Variants in GOLT1B observed in about 807,000 individuals in gnomAD.
GOLT1B encodes the protein golgi transport 1B.
Under a neutral mutation model 15.4 loss-of-function variants are expected in GOLT1B, and 3 were observed. That is an observed-to-expected ratio of 0.19 (90% confidence interval 0.09 to 0.50). The LOEUF is 0.50. Ranked by LOEUF, GOLT1B falls within the 20% of genes least tolerant of loss-of-function variation. GOLT1B has a pLI of 0.97. For missense variants in GOLT1B, 145 were observed against 160.4 expected (o/e 0.90, Z 0.52); for synonymous variants, 65 against 56.2 (o/e 1.16, Z -0.70).
At chr12:21,509,819 A>C (rs372991482) in intron 3 of GOLT1B, among the ~76,000 whole-genome samples, 76 of 152,370 alleles carry the variant, frequency 5.0e-4, no homozygotes, top group Middle Eastern at 6.8e-3. Flanking sequence ...TTGTTCTGAA[A>C]AGAATGAATA....
At chr12:21,508,269 A>G (rs1943693322) in intron 2 of GOLT1B, 114 bp from the exon 3 acceptor site, 2 of 676,736 alleles carry the variant, frequency 3.0e-6, no homozygotes, top group South Asian at 4.0e-5. Flanking sequence ...AGTTGCCCAC[A>G]TTAAAAGCCA....
chr12:21,507,510 C>CTG (rs1273448291), intron 2 of GOLT1B, among the ~76,000 whole-genome samples: 2 of 61,994 alleles, frequency 3.2e-5, no homozygotes. Flanking sequence ...AGTGAAGACA[C>CTG]TGTATGTGTG....
At chr12:21,508,045 G>A (rs1396279999) in intron 2 of GOLT1B, 1 of 431,146 alleles carries the variant, frequency 2.3e-6, no homozygotes, top group Middle Eastern at 3.4e-4. Context: ...CAACTCATCT[G>A]CTTGACTAAG....
Position 21,516,954 on chromosome 12 carries a change from A to G in GOLT1B, c.*1247A>G, listed in dbSNP as rs1304528131. 1 of 152,506 alleles carries G rather than the reference A, an allele frequency of 6.6e-6. No individual in the cohort carries two copies. The highest frequency in any genetic ancestry group is 2.4e-5 in the African/African-American group (1 of 41,458). 9.4% of individuals were successfully genotyped at this position (152,506 alleles called of 1,614,324 possible). On this transcript the variant is annotated 3_prime_UTR_variant, in exon 5 of 5. Transcript: ENST00000229314. Reference sequence around the variant, plus strand: ...CCACCGTTGCTGATTATTAGACAGTAGGAAATAGCTGTTTTCTTTAGTTTT... The same window carrying G: ...CCACCGTTGCTGATTATTAGACAGTGGGAAATAGCTGTTTTCTTTAGTTTT...
At chr12:21,502,594 GTA>G (rs1319562854) in intron 1 of GOLT1B, among the ~76,000 whole-genome samples, 1 of 152,150 alleles carries the variant, frequency 6.6e-6, no homozygotes, top group Non-Finnish European at 1.5e-5. Flanking sequence ...CGTTAGTATT[GTA>G]TATTGTGCTT....
At chr12:21,515,283 A>T in intron 4 of GOLT1B, 1 of 1,347,000 alleles carries the variant, frequency 7.4e-7, no homozygotes, top group Non-Finnish European at 1.0e-6. Flanking sequence ...CAGTTGAAAT[A>T]TCTTATTGGG....
At chr12:21,511,558 G>T (rs1243225071) in intron 3 of GOLT1B, among the ~76,000 whole-genome samples, 1 of 152,104 alleles carries the variant, frequency 6.6e-6, no homozygotes, top group Non-Finnish European at 1.5e-5. Flanking sequence ...GGTCTTTCTG[G>T]TGACCAGCCC....
intron 1 of GOLT1B, 114 bp from the exon 2 acceptor site, chr12:21,506,771 G>T: frequency 1.9e-6 from 1 of 528,546 alleles, no homozygotes; most frequent in South Asian, 3.2e-5. Context: ...TGCAATGTTG[G>T]GTACCTGTTT....
intron 4 of GOLT1B, among the ~76,000 whole-genome samples, chr12:21,514,867 C>A (rs1943744830): frequency 6.6e-6 from 1 of 151,696 alleles, no homozygotes; most frequent in Non-Finnish European, 1.5e-5. Context: ...ACATGTGAAT[C>A]GTGAAACAAA....
In GOLT1B at chr12:21,515,156, C is replaced by A. The variant is rs117955060; in HGVS notation, c.379-513C>A. ...TCATTACCACTTTCAATCCAAAGTCCAGAATACACATTTAAAGTATTTTTA... is the reference window on the plus strand; with the variant it reads ...TCATTACCACTTTCAATCCAAAGTCAAGAATACACATTTAAAGTATTTTTA... On this transcript the variant is annotated intron_variant, in intron 4 of 4. Transcript: ENST00000229314. The A allele has an allele frequency of 7.1e-3, 4,946 of 699,376 alleles. 26 individuals carry two copies. The highest frequency in any genetic ancestry group is 0.01 in the Middle Eastern group (43 of 4,178). 43.3% of individuals were successfully genotyped at this position (699,376 alleles called of 1,614,324 possible). A position where few individuals can be genotyped will look rare whatever the true frequency, so the allele number is the denominator to read the frequency against.
At chr12:21,505,258 T>A (rs1446415110) in intron 1 of GOLT1B, among the ~76,000 whole-genome samples, 1 of 144,238 alleles carries the variant, frequency 6.9e-6, no homozygotes, top group Non-Finnish European at 1.6e-5. Flanking sequence ...TTTTATGTAA[T>A]CATCAAGGTT....
chr12:21,502,034 T>A, intron 1 of GOLT1B, 86 bp downstream of exon 1: 1 of 959,506 alleles, frequency 1.0e-6, no homozygotes. Flanking sequence ...GGTCAATGAA[T>A]GAAGCTCTGG....
intron 4 of GOLT1B, among the ~76,000 whole-genome samples, chr12:21,513,607 C>T (rs1028646326): frequency 6.6e-6 from 1 of 151,946 alleles, no homozygotes; most frequent in Admixed American, 6.6e-5. Context: ...GCCACCACAC[C>T]CAGCCTTACC....
At chr12:21,501,972 C>A (rs1445816103) in intron 1 of GOLT1B, 24 bp downstream of exon 1, 2 of 1,568,758 alleles carry the variant, frequency 1.3e-6, no homozygotes, top group Non-Finnish European at 1.8e-6. Flanking sequence ...CCGGGGCCCC[C>A]GCCTCGAGCC....
chr12:21,510,487 C>T (rs751200410), intron 3 of GOLT1B, among the ~76,000 whole-genome samples: 7 of 152,062 alleles, frequency 4.6e-5, no homozygotes, highest in African/African-American at 7.2e-5. Flanking sequence ...ACACAGGTTT[C>T]GTGGTTTAGA....
At chr12:21,507,072 C>T in intron 2 of GOLT1B, 96 bp downstream of exon 2, 1 of 682,032 alleles carries the variant, frequency 1.5e-6, no homozygotes. Context: ...AAATAATTCA[C>T]TATTACTCAT....
In GOLT1B at chr12:21,517,465, G is replaced by T. The variant is rs894264872; in HGVS notation, c.*1758G>T. ...TTTGAGGATTGACTTTATATAAGGT[G>T]CCCTGTAGAACTCTGTTACACATAT... On this transcript the variant is annotated 3_prime_UTR_variant, in exon 5 of 5. Coordinates refer to ENST00000229314, the MANE Select transcript of GOLT1B (RefSeq NM_016072.5). 1 of 152,280 alleles carries T rather than the reference G, an allele frequency of 6.6e-6. No homozygotes were observed. Among genetic ancestry groups the T allele is most frequent in the African/African-American group, 2.4e-5 (1 of 41,412 alleles). The allele number at this position is 152,280 out of a possible 1,614,324, so 9.4% of individuals were successfully genotyped here.
rs566217673 is a variant in GOLT1B, at chr12:21,516,822, T to G, written c.*1115T>G. 3 of 152,278 alleles carry G rather than the reference T, an allele frequency of 2.0e-5. No individual in the cohort carries two copies. The highest frequency in any genetic ancestry group is 2.1e-4 in the South Asian group (1 of 4,834). 9.4% of individuals were successfully genotyped at this position (152,278 alleles called of 1,614,324 possible). A position where few individuals can be genotyped will look rare whatever the true frequency, so the allele number is the denominator to read the frequency against. ...CATATCCTTCATATGATCACTCATC[T>G]TGAGTTAATTAGAAAATACCTGAGT... On this transcript the variant is annotated 3_prime_UTR_variant, in exon 5 of 5. Transcript: ENST00000229314.
chr12:21,513,756 G>A (rs1046527772), intron 4 of GOLT1B, among the ~76,000 whole-genome samples: 2 of 152,200 alleles, frequency 1.3e-5, no homozygotes, highest in African/African-American at 4.8e-5. Flanking sequence ...TGCTCACACC[G>A]CCACACTATA....
Sources: gnomAD v4.1 joint callset for allele counts (sites outside exome capture counted in the v4.1 genomes callset) on GRCh38, gnomAD v4.1.1 for gene constraint, MANE v1.5 for transcripts, NCBI Gene and HGNC (gene_info 2026-07-23, HGNC 2026-07-21) for gene names.